Variants in FHIT observed in about 807,000 individuals in gnomAD.
FHIT encodes fragile histidine triad diadenosine triphosphatase, also known as bis(5'-adenosyl)-triphosphatase.
A neutral mutation model predicts 17.9 loss-of-function variants in FHIT; 19 were observed. The ratio of observed to expected loss-of-function variants is 1.06; its 90% CI spans 0.74 to 1.56. The LOEUF is 1.56. FHIT is among the 40% of genes most tolerant of loss of function. FHIT has a pLI of 0.00. For missense variants in FHIT, 248 were observed against 189.2 expected, an observed-to-expected ratio of 1.31 and a Z score of -1.82; for synonymous variants, 81 against 69.7, an observed-to-expected ratio of 1.16 and a Z score of -0.81.
At chr3:60,006,751 A>G (rs1227295380) in intron 7 of FHIT, among the ~76,000 whole-genome samples, 1 of 152,124 alleles carries the variant, frequency 6.6e-6, no homozygotes, top group African/African-American at 2.4e-5. Flanking sequence ...TTCCTAACGG[A>G]ACCTCTGATG....
intron 4 of FHIT, among the ~76,000 whole-genome samples, chr3:60,789,158 A>G (rs71619252): frequency 0.061 from 7,520 of 122,532 alleles, 188 homozygotes; most frequent in African/African-American, 0.11. Context: ...GTGTGTGTGT[A>G]TATATATATA....
In FHIT at chr3:60,026,038, C is replaced by T. The variant is rs182739729; in HGVS notation, c.104-11886G>A. 9.7e-4 allele frequency among the ~76,000 whole-genome samples: 148 copies of T among 152,218 alleles called. 2 individuals carry two copies. The highest frequency in any genetic ancestry group is 3.4e-3 in the African/African-American group (140 of 41,526). On this transcript the variant is annotated intron_variant, in intron 5 of 9. Transcript: ENST00000492590. ...CTGTAAAGGGGGGGAAAGAAAAGTT[C>T]TTTCCATCTGCTTACACCTGTCTCC...
intron 5 of FHIT, among the ~76,000 whole-genome samples, chr3:60,100,041 C>G (rs998798673): frequency 2.0e-5 from 3 of 152,130 alleles, no homozygotes; most frequent in Non-Finnish European, 2.9e-5. Context: ...ACTGGAACCC[C>G]CTTTCTTCAC....
chr3:59,785,419 C>T (rs1702799355), intron 8 of FHIT, among the ~76,000 whole-genome samples: 1 of 151,706 alleles, frequency 6.6e-6, no homozygotes, highest in East Asian at 1.9e-4. Flanking sequence ...AAGCAATTCT[C>T]CTGCCTCAAC....
intron 7 of FHIT, among the ~76,000 whole-genome samples, chr3:59,977,566 T>C (rs1018365505): frequency 2.0e-5 from 3 of 152,180 alleles, no homozygotes; most frequent in African/African-American, 7.2e-5. Context: ...ACAGGAATCT[T>C]TGTGTCAGGA....
chr3:60,338,604 A>C (rs1271356314), intron 5 of FHIT, among the ~76,000 whole-genome samples: 1 of 152,174 alleles, frequency 6.6e-6, no homozygotes, highest in Non-Finnish European at 1.5e-5. Context: ...AGAGTTCAAA[A>C]AGCATGGTTA....
chr3:60,454,336 T>G (rs977473836), intron 5 of FHIT, among the ~76,000 whole-genome samples: 1 of 152,004 alleles, frequency 6.6e-6, no homozygotes, highest in Non-Finnish European at 1.5e-5. Context: ...CACAAGTCCT[T>G]GAGCTCACAA....
intron 2 of FHIT, among the ~76,000 whole-genome samples, chr3:61,052,407 C>T (rs1176210342): frequency 6.6e-6 from 1 of 152,158 alleles, no homozygotes; most frequent in African/African-American, 2.4e-5. Flanking sequence ...AGGACTCACA[C>T]CCACGGCTAT....
intron 7 of FHIT, among the ~76,000 whole-genome samples, chr3:59,937,036 C>T (rs1316146971): frequency 6.6e-6 from 1 of 152,156 alleles, no homozygotes; most frequent in Non-Finnish European, 1.5e-5. Context: ...AAAACGGTCA[C>T]CCCAAAGTAA....
chr3:60,324,481 A>T (rs1470564915), intron 5 of FHIT, among the ~76,000 whole-genome samples: 1 of 150,648 alleles, frequency 6.6e-6, no homozygotes, highest in Non-Finnish European at 1.5e-5. Flanking sequence ...GCTGCTCGGG[A>T]TGCTGAGGCA....
intron 5 of FHIT, among the ~76,000 whole-genome samples, chr3:60,146,942 G>A (rs182685533): frequency 1.1e-3 from 171 of 152,254 alleles, no homozygotes; most frequent in African/African-American, 3.8e-3. Flanking sequence ...TATAAAATGT[G>A]AAGATATATA....
chr3:59,934,704 A>G (rs527896942), intron 7 of FHIT, among the ~76,000 whole-genome samples: 1 of 152,084 alleles, frequency 6.6e-6, no homozygotes, highest in African/African-American at 2.4e-5. Flanking sequence ...AGGGGAAGCA[A>G]ACATATCCTT....
At chr3:60,587,883 C>T (rs2037956675) in intron 4 of FHIT, among the ~76,000 whole-genome samples, 1 of 152,042 alleles carries the variant, frequency 6.6e-6, no homozygotes, top group Non-Finnish European at 1.5e-5. Flanking sequence ...AAAGATCACA[C>T]AGCCTGGCTG....
At chr3:59,958,924 C>A (rs763961332) in intron 7 of FHIT, among the ~76,000 whole-genome samples, 1 of 152,166 alleles carries the variant, frequency 6.6e-6, no homozygotes, top group Non-Finnish European at 1.5e-5. Flanking sequence ...TCTGTCATTA[C>A]AATCATGTGT....
chr3:61,043,006 T>A (rs2033597110), intron 2 of FHIT, among the ~76,000 whole-genome samples: 1 of 152,144 alleles, frequency 6.6e-6, no homozygotes, highest in South Asian at 2.1e-4. Flanking sequence ...GATGGCCGAA[T>A]AGGAACAACT....
At chr3:61,105,597 G>A (rs2035966909) in intron 2 of FHIT, among the ~76,000 whole-genome samples, 1 of 151,762 alleles carries the variant, frequency 6.6e-6, no homozygotes, top group Non-Finnish European at 1.5e-5. Context: ...TGCATATTTG[G>A]CCCAAAGCAA....
chr3:61,050,722 C>A (rs11130811), intron 2 of FHIT, among the ~76,000 whole-genome samples: 1 of 152,160 alleles, frequency 6.6e-6, no homozygotes. Context: ...GGATGATGCA[C>A]GCATGGGTGT....
At chr3:60,876,452 T>C (rs1704655989) in intron 3 of FHIT, among the ~76,000 whole-genome samples, 3 of 152,208 alleles carry the variant, frequency 2.0e-5, no homozygotes, top group African/African-American at 7.2e-5. Flanking sequence ...GAGTCTAGTA[T>C]ATTTGATTCA....
rs192534391 is a variant in FHIT at position 60,124,475 on chromosome 3, C to A, written c.104-110323G>T. On this transcript the variant is annotated intron_variant, in intron 5 of 9. Transcript: ENST00000492590. ...CTATTCTTATAACACAGCCCATGCT[C>A]ATCTGAAATAAGTGACTTCAAGTCA... Among the ~76,000 whole-genome samples, 130 of 152,260 alleles carry A rather than the reference C, an allele frequency of 8.5e-4. 2 individuals carry two copies. The highest frequency in any genetic ancestry group is 8.2e-3 in the Admixed American group (126 of 15,290).
Sources: allele counts gnomAD v4.1 joint callset (sites outside exome capture counted in the v4.1 genomes callset), GRCh38; gene constraint gnomAD v4.1.1; transcripts MANE v1.5; gene names NCBI Gene and HGNC (gene_info 2026-07-23, HGNC 2026-07-21).